The following SEMA3A variants were observed in gnomAD, a reference collection of about 807,000 sequenced individuals.
SEMA3A encodes the protein semaphorin-3A.
Under a neutral mutation model 97.9 loss-of-function variants are expected in SEMA3A, and 29 were observed. The ratio of observed to expected loss-of-function variants is 0.30; its 90% CI spans 0.22 to 0.40. The LOEUF (loss-of-function observed/expected upper bound fraction) is 0.40. Among genes scored for constraint, SEMA3A ranks in the 10% least tolerant of loss-of-function variants. The pLI, the probability that SEMA3A is intolerant of heterozygous loss-of-function variation, is 1.00. For synonymous variants in SEMA3A, 321 were observed against 323.7 expected, an observed-to-expected ratio of 0.99 and a Z score of 0.09; for missense variants, 763 against 951.3, an observed-to-expected ratio of 0.80 and a Z score of 2.60.
intron 2 of SEMA3A, among the ~76,000 whole-genome samples, chr7:84,328,596 C>T (rs538333145): frequency 3.9e-5 from 6 of 152,012 alleles, no homozygotes; most frequent in African/African-American, 7.2e-5. Context: ...TTGAATCAGT[C>T]GATTATAACT....
intron 4 of SEMA3A, among the ~76,000 whole-genome samples, chr7:84,109,033 G>T (rs769283861): frequency 1.3e-5 from 2 of 151,972 alleles, no homozygotes; most frequent in Non-Finnish European, 2.9e-5. Flanking sequence ...TCATGCGGAG[G>T]GAGTTCTCTA....
intron 3 of SEMA3A, among the ~76,000 whole-genome samples, chr7:84,283,671 A>G (rs1367706081): frequency 2.0e-5 from 3 of 152,112 alleles, no homozygotes; most frequent in Non-Finnish European, 4.4e-5. Flanking sequence ...CATAATTCAC[A>G]TAGTAAAAGT....
intron 1 of SEMA3A, among the ~76,000 whole-genome samples, chr7:84,154,902 T>A (rs908197429): frequency 1.7e-4 from 26 of 152,026 alleles, no homozygotes; most frequent in African/African-American, 6.0e-4. Context: ...TTAGAAAATA[T>A]ATTTATATCA....
intron 3 of SEMA3A, among the ~76,000 whole-genome samples, chr7:84,251,750 T>C (rs1299019377): frequency 1.3e-5 from 2 of 152,166 alleles, no homozygotes; most frequent in South Asian, 2.1e-4. Context: ...TAGGATTTCC[T>C]GGGTCACTGA....
At chr7:84,296,489 A>G (rs1055779333) in intron 3 of SEMA3A, among the ~76,000 whole-genome samples, 5 of 152,166 alleles carry the variant, frequency 3.3e-5, no homozygotes, top group African/African-American at 9.7e-5. Flanking sequence ...GCTTTCTTGA[A>G]TGAATCTGTA....
intron 5 of SEMA3A, among the ~76,000 whole-genome samples, chr7:84,047,067 T>C (rs1019122592): frequency 1.3e-5 from 2 of 151,964 alleles, no homozygotes; most frequent in African/African-American, 4.8e-5. Flanking sequence ...TATCAACCAG[T>C]CCAAAAATAA....
intron 4 of SEMA3A, among the ~76,000 whole-genome samples, chr7:84,069,278 C>T (rs1793655962): frequency 6.6e-6 from 1 of 152,116 alleles, no homozygotes; most frequent in African/African-American, 2.4e-5. Flanking sequence ...CAAGTTCCTA[C>T]ACCCTTCTGA....
At chr7:84,445,825 C>T (rs1160750031) in intron 1 of SEMA3A, among the ~76,000 whole-genome samples, 2 of 147,772 alleles carry the variant, frequency 1.4e-5, no homozygotes, top group African/African-American at 5.0e-5. Context: ...AAAAATACAG[C>T]AAAAGGAAGA....
intron 1 of SEMA3A, among the ~76,000 whole-genome samples, chr7:84,416,066 A>C (rs1804424713): frequency 6.6e-6 from 1 of 152,066 alleles, no homozygotes; most frequent in Admixed American, 6.6e-5. Context: ...ATAAAGTATA[A>C]TGTGGGACTA....
At chr7:84,366,621 A>G (rs1802854198) in intron 2 of SEMA3A, among the ~76,000 whole-genome samples, 1 of 151,334 alleles carries the variant, frequency 6.6e-6, no homozygotes, top group African/African-American at 2.4e-5. Context: ...TTTACACTCA[A>G]TCAAGGAAGA....
intron 1 of SEMA3A, among the ~76,000 whole-genome samples, chr7:84,429,516 T>TTATATTTA (rs1804913947): frequency 2.8e-5 from 2 of 72,420 alleles, no homozygotes; most frequent in Non-Finnish European, 2.3e-5. Flanking sequence ...ATAGAGTTTG[T>TTATATTTA]TATATATATA....
intron 12 of SEMA3A, among the ~76,000 whole-genome samples, chr7:83,992,871 C>T (rs1790024985): frequency 6.6e-6 from 1 of 151,804 alleles, no homozygotes. Context: ...CCTGGGTATC[C>T]TTGTTGACTT....
chr7:84,270,166 G>A (rs1800107273), intron 3 of SEMA3A, among the ~76,000 whole-genome samples: 1 of 152,096 alleles, frequency 6.6e-6, no homozygotes, highest in South Asian at 2.1e-4. Flanking sequence ...GAGAGCCAGA[G>A]TGGCACTACA....
At chr7:84,484,606 T>C (rs1322202672) in intron 1 of SEMA3A, among the ~76,000 whole-genome samples, 1 of 151,834 alleles carries the variant, frequency 6.6e-6, no homozygotes, top group African/African-American at 2.4e-5. Context: ...AACACTGAAA[T>C]TAATAAATGT....
intron 6 of SEMA3A, among the ~76,000 whole-genome samples, chr7:84,022,154 G>A (rs1056141298): frequency 6.6e-6 from 1 of 152,086 alleles, no homozygotes; most frequent in Non-Finnish European, 1.5e-5. Context: ...CATATTTGGA[G>A]ATCAGAGATT....
rs994382618 is a variant in SEMA3A at position 84,028,231 on chromosome 7, C to T, written c.668-13880G>A. On this transcript the variant is annotated intron_variant, in intron 6 of 16. Transcript: ENST00000265362. ...TAACTTTCCTGTATTTGAAATTTTT[C>T]ATATCAAAATATTAGAAAAATACTT... Among the ~76,000 whole-genome samples the T allele has an allele frequency of 5.3e-5, 8 of 152,080 alleles. No homozygotes were observed. The South Asian group carries it at 8.3e-4, about 16-fold the overall frequency.
chr7:84,077,587 C>G (rs776752794), intron 4 of SEMA3A, among the ~76,000 whole-genome samples: 1 of 152,010 alleles, frequency 6.6e-6, no homozygotes, highest in Non-Finnish European at 1.5e-5. Context: ...AACTTTGTTT[C>G]AGCAAAGCCT....
intron 1 of SEMA3A, among the ~76,000 whole-genome samples, chr7:84,485,602 T>C (rs974067187): frequency 1.3e-5 from 2 of 152,032 alleles, no homozygotes; most frequent in Non-Finnish European, 2.9e-5. Flanking sequence ...CATGAACTCC[T>C]GGGCTCTAGC....
chr7:84,393,136 G>T (rs531258272), intron 1 of SEMA3A, among the ~76,000 whole-genome samples: 18 of 152,136 alleles, frequency 1.2e-4, no homozygotes, highest in African/African-American at 4.1e-4. Context: ...TTATTGTATA[G>T]TTTTTGCCCC....
Sources: gnomAD v4.1 joint callset for allele counts (sites outside exome capture counted in the v4.1 genomes callset) on GRCh38, gnomAD v4.1.1 for gene constraint, MANE v1.5 for transcripts, NCBI Gene and HGNC (gene_info 2026-07-23, HGNC 2026-07-21) for gene names.